The following GSR variants were observed in gnomAD, a reference collection of about 807,000 sequenced individuals.
GSR encodes the protein glutathione-disulfide reductase.
In GSR, 48 loss-of-function variants were observed where a neutral mutation model predicts 56.5. The ratio of observed to expected loss-of-function variants is 0.85; its 90% confidence interval spans 0.67 to 1.08. The LOEUF is 1.08. Ranked by LOEUF, GSR falls within the 50% of genes least tolerant of loss-of-function variation. The pLI, the probability that GSR is intolerant of heterozygous loss-of-function variation, is 0.00. For missense variants in GSR, 694 were observed against 703.3 expected (o/e 0.99, Z 0.15); for synonymous variants, 264 against 270.8 (o/e 0.97, Z 0.25).
At chr8:30,726,830 CCT>C (rs1269167956) in intron 1 of GSR, 1 of 152,222 alleles carries the variant, frequency 6.6e-6, no homozygotes, top group Non-Finnish European at 1.5e-5. Context: ...GATTTACATC[CCT>C]CTGTTTTTAG....
intron 8 of GSR, among the ~76,000 whole-genome samples, chr8:30,689,864 TATATAA>T (rs1255687317): frequency 1.4e-5 from 2 of 142,524 alleles, no homozygotes; most frequent in South Asian, 2.1e-4. Context: ...AATATATTTA[TATATAA>T]ATATATGTAT....
At chr8:30,709,067 A>T (rs1253850682) in intron 3 of GSR, among the ~76,000 whole-genome samples, 1 of 151,588 alleles carries the variant, frequency 6.6e-6, no homozygotes, top group Non-Finnish European at 1.5e-5. Flanking sequence ...TGCCTTTAAA[A>T]GGAATGAAGG....
rs772326839 is a variant in GSR, at chr8:30,708,142, C to T, written c.423-1G>A. ...GGCATCCCGCTTTTCCTTAATAACA[C>T]TGCAATGAAACCCAAGTCAGTATTC... On this transcript the variant is annotated splice_acceptor_variant, in intron 3 of 12. Transcript: ENST00000221130. LOFTEE classifies it high-confidence loss of function. The T allele has an allele frequency of 1.9e-6, 3 of 1,607,860 alleles. No homozygotes were observed. In the South Asian group the frequency reaches 3.3e-5, roughly 18 times the overall value.
chr8:30,709,833 C>A lies in GSR; in HGVS notation c.403G>T (p.Glu135Ter). Residue 135 changes from glutamate (E) to a stop codon, truncating the protein, a stop_gained, in exon 3 of 13, where the codon GAG (glutamate) becomes TAG (stop). Transcript: ENST00000221130. LOFTEE classifies it high-confidence loss of function. Reference sequence around the variant, plus strand: ...ACTTACCGCCAATTGAATTTACCCTCACAACTTGGAAAGCCATAATCAGCA... The same window carrying A: ...ACTTACCGCCAATTGAATTTACCCTAACAACTTGGAAAGCCATAATCAGCA... ...DHADYGFPSCEGKFNWRVIKE... is the reference protein window; with the variant it reads ...DHADYGFPSC The A allele has an allele frequency of 6.3e-7, 1 of 1,579,984 alleles. No homozygotes were observed. Among genetic ancestry groups the A allele is most frequent in the Non-Finnish European group, 8.7e-7 (1 of 1,150,864 alleles).
In GSR at chr8:30,682,038, GT is replaced by G; in HGVS notation, c.1176del (p.Lys392AsnfsTer15). 3.1e-6 allele frequency: 5 copies of G among 1,613,404 alleles called. No individual in the cohort carries two copies. The highest frequency in any genetic ancestry group is 4.2e-6 in the Non-Finnish European group (5 of 1,179,358). ...LTPVAIAAGR[K>X]LAHRLFEYKE... is the part of the protein sequence containing the mutation. ...TTATATTCAAAAAGTCGATGGGCAA[GT>G]TTTCGGCCAGCAGCTATTGCAACTA... On this transcript the variant is annotated frameshift_variant, in exon 11 of 13. Coordinates refer to ENST00000221130, the MANE Select transcript of GSR (RefSeq NM_000637.5). LOFTEE classifies it high-confidence loss of function.
intron 1 of GSR, among the ~76,000 whole-genome samples, chr8:30,712,551 G>C (rs1013866807): frequency 6.6e-6 from 1 of 152,128 alleles, no homozygotes. Context: ...GTGCATGCCT[G>C]TGGTCCCAGC....
intron 8 of GSR, among the ~76,000 whole-genome samples, chr8:30,690,042 T>G (rs1803319841): frequency 7.0e-6 from 1 of 142,912 alleles, no homozygotes; most frequent in African/African-American, 2.6e-5. Flanking sequence ...ATATGTATAT[T>G]ATATATAAAT....
intron 7 of GSR, among the ~76,000 whole-genome samples, chr8:30,695,164 T>TTGAATG (rs1803504276): frequency 1.3e-5 from 2 of 152,168 alleles, no homozygotes; most frequent in African/African-American, 4.8e-5. Context: ...CAGGATGACT[T>TTGAATG]TGAATGTGGC....
At chr8:30,723,078 T>C (rs1378564466) in intron 1 of GSR, among the ~76,000 whole-genome samples, 1 of 152,160 alleles carries the variant, frequency 6.6e-6, no homozygotes, top group Non-Finnish European at 1.5e-5. Flanking sequence ...GTTATTCTTA[T>C]CACAGAATCA....
chr8:30,699,966 G>A, intron 6 of GSR, 115 bp downstream of exon 6: 1 of 796,192 alleles, frequency 1.3e-6, no homozygotes, highest in South Asian at 1.3e-5. Flanking sequence ...GAAGCTGTAA[G>A]AGGAGGGAAT....
intron 8 of GSR, among the ~76,000 whole-genome samples, chr8:30,691,606 A>G (rs774706686): frequency 1.7e-4 from 25 of 150,612 alleles, no homozygotes; most frequent in Admixed American, 4.6e-4. Flanking sequence ...CCTTGAATCT[A>G]GGAGGCAGAG....
At chr8:30,698,448 G>C (rs1225997205) in intron 6 of GSR, among the ~76,000 whole-genome samples, 2 of 152,064 alleles carry the variant, frequency 1.3e-5, no homozygotes, top group East Asian at 1.9e-4. Flanking sequence ...AACAATGCAG[G>C]GTGGATCACA....
chr8:30,708,377 G>T (rs8190954), intron 3 of GSR, among the ~76,000 whole-genome samples: 1 of 152,120 alleles, frequency 6.6e-6, no homozygotes, highest in East Asian at 1.9e-4. Flanking sequence ...ATCTTTCTGC[G>T]CAGAAGACAA....
chr8:30,680,215 G>A (rs1802895134), intron 12 of GSR, among the ~76,000 whole-genome samples: 1 of 151,924 alleles, frequency 6.6e-6, no homozygotes, highest in Non-Finnish European at 1.5e-5. Flanking sequence ...GAATGTTCAT[G>A]GCACCACCAT....
chr8:30,710,588 T>C (rs1222142257), intron 2 of GSR, among the ~76,000 whole-genome samples: 2 of 149,856 alleles, frequency 1.3e-5, no homozygotes, highest in African/African-American at 4.9e-5. Flanking sequence ...GGCATGGTGA[T>C]GCACGCCTGT....
At chr8:30,715,680 T>G (rs1219279565) in intron 1 of GSR, among the ~76,000 whole-genome samples, 1 of 152,148 alleles carries the variant, frequency 6.6e-6, no homozygotes, top group African/African-American at 2.4e-5. Flanking sequence ...TTCCCAAAGG[T>G]AGAGATGATT....
At chr8:30,702,868 G>T (rs1467589104) in intron 5 of GSR, among the ~76,000 whole-genome samples, 1 of 152,202 alleles carries the variant, frequency 6.6e-6, no homozygotes, top group Non-Finnish European at 1.5e-5. Flanking sequence ...AACCCAGGAG[G>T]CGGAGGTAGC....
chr8:30,682,463 G>A (rs768813453), intron 10 of GSR, among the ~76,000 whole-genome samples: 5 of 152,218 alleles, frequency 3.3e-5, no homozygotes, highest in Non-Finnish European at 7.3e-5. Flanking sequence ...TACCAACTAT[G>A]TGTATAAGGT....
intron 1 of GSR, among the ~76,000 whole-genome samples, chr8:30,726,602 A>T (rs1804734464): frequency 1.3e-5 from 2 of 152,056 alleles, no homozygotes; most frequent in Non-Finnish European, 2.9e-5. Context: ...TCTACAAAAA[A>T]TAATAATAAT....
Sources: gnomAD v4.1 joint callset for allele counts (sites outside exome capture counted in the v4.1 genomes callset) on GRCh38, gnomAD v4.1.1 for gene constraint, MANE v1.5 for transcripts, NCBI Gene and HGNC (gene_info 2026-07-23, HGNC 2026-07-21) for gene names.